The following VWCE variants were observed in gnomAD, a reference collection of about 807,000 sequenced individuals.
VWCE encodes von Willebrand factor C and EGF domain-containing protein.
In VWCE, 68 loss-of-function variants were observed where a neutral mutation model predicts 102.9. That is an observed-to-expected ratio of 0.66 (90% CI 0.54 to 0.81). The LOEUF (loss-of-function observed/expected upper bound fraction) is 0.81. Ranked by LOEUF, VWCE falls within the 30% of genes least tolerant of loss-of-function variation. The pLI is 0.00. For missense variants in VWCE, 1,137 were observed against 1,263.6 expected (o/e 0.90, Z 1.52); for synonymous variants, 497 against 515.4 (o/e 0.96, Z 0.48).
chr11:61,273,432 T>C (rs183575415), intron 12 of VWCE, 116 bp from the exon 13 acceptor site: 1 of 952,844 alleles, frequency 1.0e-6, no homozygotes, highest in African/African-American at 1.7e-5. Flanking sequence ...CAAGTGAAAC[T>C]GACAAAGAAA....
At position 61,261,738 on chromosome 11, in the gene VWCE, G is replaced by A. The variant is rs181822756; in HGVS notation, c.2231-2426C>T. Reference sequence around the variant, plus strand: ...GGAGGATTGCTTGAGCCCAGGGGTCGAGGCTGCAGTGAGCTGTGATCGCAC... The same window carrying A: ...GGAGGATTGCTTGAGCCCAGGGGTCAAGGCTGCAGTGAGCTGTGATCGCAC... On this transcript the variant is annotated intron_variant, in intron 19 of 19. Coordinates refer to ENST00000335613, the MANE Select transcript of VWCE (RefSeq NM_152718.2). Among the ~76,000 whole-genome samples the A allele has an allele frequency of 5.2e-3, 788 of 151,150 alleles. 10 individuals are homozygous for A. The highest frequency in any genetic ancestry group is 0.018 in the African/African-American group (741 of 41,120).
intron 16 of VWCE, 93 bp downstream of exon 16, chr11:61,267,369 G>T: frequency 7.9e-7 from 1 of 1,259,684 alleles, no homozygotes; most frequent in Non-Finnish European, 1.2e-6. Context: ...CCCTTGTCTT[G>T]GAGGTCTCTG....
chr11:61,272,729 ACTC>A (rs1207999652), intron 13 of VWCE, among the ~76,000 whole-genome samples: 1 of 151,542 alleles, frequency 6.6e-6, no homozygotes, highest in Non-Finnish European at 1.5e-5. Flanking sequence ...GACGCACACT[ACTC>A]ACACACAGAC....
At chr11:61,281,565 T>C (rs1321406527) in intron 7 of VWCE, among the ~76,000 whole-genome samples, 1 of 152,104 alleles carries the variant, frequency 6.6e-6, no homozygotes, top group East Asian at 1.9e-4. Flanking sequence ...AAGTGGAGTG[T>C]TGAAAGTAAC....
rs1854277936 is a variant in VWCE at position 61,259,110 on chromosome 11, CTG to C, written c.2431_2432del (p.Gln811AspfsTer116). The part of the protein sequence containing the change: ...LLLRTNLMKT[Q>X]TLPTSPAGAH... ...CTCCTGCCGGGCTTGTAGGTAAAGTCTGTGTTTTCATCAAGTTCGTTCTTAAA... is the reference window on the plus strand; with the variant it reads ...CTCCTGCCGGGCTTGTAGGTAAAGTCTGTTTTCATCAAGTTCGTTCTTAAA... On this transcript the variant is annotated frameshift_variant, in exon 20 of 20. Coordinates refer to ENST00000335613, the MANE Select transcript of VWCE (RefSeq NM_152718.2). LOFTEE classifies it low-confidence loss of function (END_TRUNC). The C allele has an allele frequency of 6.2e-7, 1 of 1,613,992 alleles. No individual in the cohort carries two copies. The highest frequency in any genetic ancestry group is 1.1e-5 in the South Asian group (1 of 91,080).
At chr11:61,290,756 C>T (rs200333743) in intron 4 of VWCE, 43 bp downstream of exon 4, 16 of 1,570,666 alleles carry the variant, frequency 1.0e-5, no homozygotes, top group East Asian at 9.1e-5. Flanking sequence ...ATATAATTCC[C>T]GCTGTCCCCC....
Position 61,276,616 on chromosome 11 carries a change from G to C in VWCE, c.1472C>G (p.Thr491Arg), listed in dbSNP as rs766755310. 6.2e-7 allele frequency: 1 copy of C among 1,602,180 alleles called. No homozygotes were observed. Among genetic ancestry groups the C allele is most frequent in the Admixed American group, 1.7e-5 (1 of 58,842 alleles). ...ACCTGGAACACAAGTACAGCAATCC[G>C]TCTGTGGGGGGGTCTGACAGGGGCC... ...PSGPCQTPPQ[T>R]DCCTCVPVRC... Residue 491 changes from threonine (T) to arginine (R), a missense_variant, in exon 11 of 20, where the codon ACG becomes AGG. By Grantham distance (71) the Thr-to-Arg change is moderately conservative. Transcript: ENST00000335613.
At chr11:61,261,911 T>C (rs750420202) in intron 19 of VWCE, among the ~76,000 whole-genome samples, 1 of 152,040 alleles carries the variant, frequency 6.6e-6, no homozygotes, top group Non-Finnish European at 1.5e-5. Flanking sequence ...GTGGTAAACA[T>C]AGTGTGCTTC....
At chr11:61,291,842 C>T (rs1855512739) in intron 1 of VWCE, among the ~76,000 whole-genome samples, 1 of 152,200 alleles carries the variant, frequency 6.6e-6, no homozygotes, top group African/African-American at 2.4e-5. Flanking sequence ...AGAGGGGCCT[C>T]AGAGTTGAAG....
intron 15 of VWCE, among the ~76,000 whole-genome samples, chr11:61,268,359 G>A (rs978975952): frequency 1.3e-5 from 2 of 152,108 alleles, no homozygotes; most frequent in African/African-American, 4.8e-5. Context: ...ATCGAGACCA[G>A]CCTGGCCAAC....
intron 1 of VWCE, among the ~76,000 whole-genome samples, chr11:61,293,342 A>G (rs1240001991): frequency 6.7e-6 from 1 of 148,626 alleles, no homozygotes; most frequent in African/African-American, 2.5e-5. Context: ...GCTTGAACCC[A>G]GAAGGCAGAG....
intron 19 of VWCE, among the ~76,000 whole-genome samples, chr11:61,262,499 C>A (rs952062333): frequency 1.3e-5 from 2 of 152,180 alleles, no homozygotes; most frequent in Non-Finnish European, 2.9e-5. Context: ...GCTCAGTATG[C>A]TGCCTGGCAC....
chr11:61,259,993 C>T (rs1021705816), intron 19 of VWCE, among the ~76,000 whole-genome samples: 7 of 152,180 alleles, frequency 4.6e-5, no homozygotes, highest in Admixed American at 2.0e-4. Flanking sequence ...CAGTGGCTCA[C>T]GCCTGTAATC....
chr11:61,291,526 C>A lies in VWCE; in HGVS notation c.161G>T (p.Cys54Phe). ...ACCCATAGAGGGCGCCCAGCCAGGG[C>A]AGCAGCCACTCCCAAACCCAGAGAG... ...VCLSGFGSGCCPGWAPSMGGG... is the reference protein window; with the variant it reads ...VCLSGFGSGCFPGWAPSMGGG... Residue 54 changes from cysteine to phenylalanine, a missense_variant, in exon 2 of 20, where the codon TGC becomes TTC. Transcript: ENST00000335613. 1 of 1,508,062 alleles carries A rather than the reference C, an allele frequency of 6.6e-7. No individual in the cohort carries two copies. Among genetic ancestry groups the A allele is most frequent in the African/African-American group, 1.4e-5 (1 of 71,276 alleles). The allele number at this position is 1,508,062 out of a possible 1,614,324, so 93.4% of individuals were successfully genotyped here.
At position 61,280,634 on chromosome 11, in the gene VWCE, T is replaced by C. The variant is rs910156501; in HGVS notation, c.1314A>G (p.Pro438=). The stretch of plus-strand genomic sequence containing the variant: ...GGCACCAGCTCTCACCTGTGCACGA[T>C]GGGCAGCACCCACCATCTCTGGAGG... ...PIPSRDGGCC[P]SCTGCFHSGV... The change falls in exon 9 of 20, where the codon CCA becomes CCG. Residue 438 remains proline, a synonymous_variant. Transcript: ENST00000335613. 4 of 1,614,008 alleles carry C rather than the reference T, an allele frequency of 2.5e-6. No homozygotes were observed. In the Middle Eastern group the frequency reaches 5.0e-4, roughly 200 times the overall value.
At chr11:61,281,383 T>C (rs1855128622) in intron 7 of VWCE, 148 bp from the exon 8 acceptor site, 1 of 1,002,504 alleles carries the variant, frequency 1.0e-6, no homozygotes, top group African/African-American at 1.6e-5. Flanking sequence ...GGGGACACTG[T>C]CGCCGTTTGG....
At position 61,290,908 on chromosome 11, in the gene VWCE, C is replaced by T; in HGVS notation, c.315G>A (p.Gly105=). 6.2e-7 allele frequency: 1 copy of T among 1,613,828 alleles called. No homozygotes were observed. Among genetic ancestry groups the T allele is most frequent in the Non-Finnish European group, 8.5e-7 (1 of 1,179,962 alleles). Residue 105 remains glycine, a synonymous_variant, in exon 4 of 20, where the codon GGG becomes GGA. Transcript: ENST00000335613. ...ATCPETHGPC[G]EYGCDLTCNH... ...TGCAGGTAAGGTCACAGCCGTACTCCCCACATGGTCCATGGGTTTCTAGAG... is the reference window on the plus strand; with the variant it reads ...TGCAGGTAAGGTCACAGCCGTACTCTCCACATGGTCCATGGGTTTCTAGAG...
chr11:61,281,383 T>A, intron 7 of VWCE, 148 bp from the exon 8 acceptor site: 1 of 1,002,624 alleles, frequency 1.0e-6, no homozygotes, highest in Non-Finnish European at 1.5e-6. Context: ...GGGGACACTG[T>A]CGCCGTTTGG....
intron 11 of VWCE, 129 bp downstream of exon 11, chr11:61,276,464 T>C: frequency 1.6e-6 from 1 of 631,608 alleles, no homozygotes; most frequent in Non-Finnish European, 2.4e-6. Context: ...ATGCCTGTCA[T>C]CCCAGCACTT....
Sources: gnomAD v4.1 joint callset for allele counts (sites outside exome capture counted in the v4.1 genomes callset) on GRCh38, gnomAD v4.1.1 for gene constraint, MANE v1.5 for transcripts, NCBI Gene and HGNC (gene_info 2026-07-23, HGNC 2026-07-21) for gene names.